The following STX8 variants were observed in gnomAD, a reference collection of about 807,000 sequenced individuals.
STX8 encodes the protein syntaxin 8, also known as syntaxin-8.
In STX8, 23 loss-of-function variants were observed where a neutral mutation model predicts 37.5. The observed-to-expected ratio is 0.61, with a 90% CI of 0.44 to 0.87. STX8 has a LOEUF of 0.87. STX8 is among the 40% of genes least tolerant of loss of function. The probability of loss-of-function intolerance (pLI) is 0.00; values close to 1 mark genes in which losing one functional copy is unlikely to be tolerated. For synonymous variants in STX8, 115 were observed against 99.1 expected (o/e 1.16, Z -0.95); for missense variants, 313 against 284.7 (o/e 1.10, Z -0.71).
At chr17:9,424,744 A>G (rs1468259747) in intron 6 of STX8, among the ~76,000 whole-genome samples, 1 of 152,238 alleles carries the variant, frequency 6.6e-6, no homozygotes, top group East Asian at 1.9e-4. Flanking sequence ...AAAAAGTTAC[A>G]AACAGATTTA....
intron 4 of STX8, among the ~76,000 whole-genome samples, chr17:9,506,091 T>A (rs1904812054): frequency 6.6e-6 from 1 of 152,074 alleles, no homozygotes; most frequent in Admixed American, 6.5e-5. Flanking sequence ...CCTCTAATAA[T>A]CCATGTGCCC....
chr17:9,270,919 G>A (rs2142139016), intron 7 of STX8, among the ~76,000 whole-genome samples: 1 of 152,316 alleles, frequency 6.6e-6, no homozygotes, highest in Middle Eastern at 3.4e-3. Flanking sequence ...ATGCTCATGG[G>A]TTCCTATCAC....
chr17:9,557,258 C>T (rs781249959), intron 3 of STX8, 176 bp downstream of exon 3: 4 of 564,124 alleles, frequency 7.1e-6, no homozygotes, highest in Admixed American at 3.0e-5. Flanking sequence ...AGCATATTCA[C>T]TGTAAAACAT....
intron 7 of STX8, among the ~76,000 whole-genome samples, chr17:9,323,489 C>A (rs1372574313): frequency 2.0e-5 from 3 of 151,880 alleles, no homozygotes; most frequent in Non-Finnish European, 4.4e-5. Context: ...TGTGTCCAGG[C>A]AAAGGAAAGT....
chr17:9,252,443 CAA>C (rs763729858), intron 7 of STX8, among the ~76,000 whole-genome samples: 12 of 125,610 alleles, frequency 9.6e-5, no homozygotes, highest in Non-Finnish European at 1.2e-4. Flanking sequence ...GACTCTGTCT[CAA>C]AAAAAAAAAA....
At chr17:9,568,313 G>T in intron 2 of STX8, 58 bp downstream of exon 2, 1 of 1,337,816 alleles carries the variant, frequency 7.5e-7, no homozygotes, top group Non-Finnish European at 1.1e-6. Flanking sequence ...AGATAGGAGG[G>T]TTTTCAGGCC....
chr17:9,531,714 CTTTA>C (rs1303206615), intron 4 of STX8, among the ~76,000 whole-genome samples: 2 of 152,100 alleles, frequency 1.3e-5, no homozygotes, highest in East Asian at 1.9e-4. Context: ...GGGGACTACT[CTTTA>C]TTTATCTCTT....
chr17:9,459,640 C>T (rs867518345), intron 6 of STX8, among the ~76,000 whole-genome samples: 1 of 152,134 alleles, frequency 6.6e-6, no homozygotes, highest in Non-Finnish European at 1.5e-5. Context: ...TTTAACCTCC[C>T]GAGTAGCTGG....
At chr17:9,387,325 G>C (rs139313049) in intron 6 of STX8, among the ~76,000 whole-genome samples, 1 of 150,626 alleles carries the variant, frequency 6.6e-6, no homozygotes, top group African/African-American at 2.4e-5. Flanking sequence ...AGGGAGTCTT[G>C]CGCTCTGTCA....
intron 4 of STX8, among the ~76,000 whole-genome samples, chr17:9,541,490 T>TCA (rs1906276128): frequency 6.6e-6 from 1 of 152,186 alleles, no homozygotes; most frequent in East Asian, 1.9e-4. Flanking sequence ...TATAAAGGTC[T>TCA]TAGAGTTTAC....
intron 6 of STX8, among the ~76,000 whole-genome samples, chr17:9,393,520 C>T (rs774517368): frequency 6.6e-6 from 1 of 152,166 alleles, no homozygotes; most frequent in Non-Finnish European, 1.5e-5. Flanking sequence ...AAGTATAATA[C>T]ATAAGACAAT....
chr17:9,437,839 G>C (rs755243562), intron 6 of STX8: 2 of 152,084 alleles, frequency 1.3e-5, no homozygotes, highest in Non-Finnish European at 2.9e-5. Flanking sequence ...CTCTGTTTGC[G>C]GCCATTGCAG....
intron 6 of STX8, among the ~76,000 whole-genome samples, chr17:9,456,784 CA>C (rs1905197615): frequency 6.6e-6 from 1 of 152,122 alleles, no homozygotes; most frequent in Non-Finnish European, 1.5e-5. Flanking sequence ...TCTTTCCAAA[CA>C]TCTTTTGTGT....
chr17:9,559,760 A>ATATTTTTTTTT, intron 2 of STX8, among the ~76,000 whole-genome samples: 11 of 24,492 alleles, frequency 4.5e-4, no homozygotes, highest in Non-Finnish European at 6.2e-4. Flanking sequence ...ATATATATAT[A>ATATTTTTTTTT]TTTTTTTTTT....
At chr17:9,259,272 C>A (rs948650004) in intron 7 of STX8, among the ~76,000 whole-genome samples, 1 of 152,194 alleles carries the variant, frequency 6.6e-6, no homozygotes, top group Non-Finnish European at 1.5e-5. Flanking sequence ...TAGAACATAA[C>A]TGGCACTCAA....
intron 6 of STX8, among the ~76,000 whole-genome samples, chr17:9,472,882 T>C (rs1449366205): frequency 1.3e-5 from 2 of 152,174 alleles, no homozygotes; most frequent in Non-Finnish European, 2.9e-5. Flanking sequence ...GTGGCCAGGG[T>C]CAAGACCAGT....
rs1163630226 is a variant in STX8 at position 9,400,462 on chromosome 17, T to C, written c.542-21809A>G. On this transcript the variant is annotated intron_variant, in intron 6 of 7. Coordinates refer to ENST00000306357, the MANE Select transcript of STX8 (RefSeq NM_004853.3). ...CGCTGTCACGCAGGCTGGAGTGCAA[T>C]GGTGCAATCTCGGCTCACTGCAACC... is the stretch of plus-strand genomic sequence containing the variant. Among the ~76,000 whole-genome samples, 8 of 149,884 alleles carry C rather than the reference T, an allele frequency of 5.3e-5. No homozygotes were observed. The Admixed American group carries it at 5.4e-4, about 10-fold the overall frequency.
intron 7 of STX8, among the ~76,000 whole-genome samples, chr17:9,286,046 A>C (rs902504255): frequency 1.1e-4 from 16 of 152,194 alleles, no homozygotes; most frequent in African/African-American, 3.9e-4. Flanking sequence ...GCTTAAAAAA[A>C]AAAATAAGGC....
At chr17:9,372,767 C>T (rs528074466) in intron 7 of STX8, among the ~76,000 whole-genome samples, 37 of 146,954 alleles carry the variant, frequency 2.5e-4, no homozygotes, top group East Asian at 2.5e-3. Context: ...TGAGCCACCA[C>T]GCCCAGCCCT....
Sources: allele counts gnomAD v4.1 joint callset (sites outside exome capture counted in the v4.1 genomes callset), GRCh38; gene constraint gnomAD v4.1.1; transcripts MANE v1.5; gene names NCBI Gene and HGNC (gene_info 2026-07-23, HGNC 2026-07-21).